RCBTB1: variants seen among roughly 807,000 people sequenced by gnomAD.
RCBTB1 encodes RCC1 and BTB domain containing protein 1.
In RCBTB1, 46 loss-of-function variants were observed where a neutral mutation model predicts 62.4. That is an observed-to-expected ratio of 0.74 (90% confidence interval 0.58 to 0.94). The LOEUF (loss-of-function observed/expected upper bound fraction) is 0.94, where lower values mean the gene tolerates loss of function less well. Ranked by LOEUF, RCBTB1 falls within the 40% of genes least tolerant of loss-of-function variation. The pLI is 0.00. For synonymous variants in RCBTB1, 222 were observed against 245.8 expected (o/e 0.90, Z 0.91); for missense variants, 565 against 654.9 (o/e 0.86, Z 1.50).
chr13:49,555,706 TAGTC>T, intron 5 of RCBTB1, 33 bp from the exon 6 acceptor site: 2 of 1,485,706 alleles, frequency 1.3e-6, no homozygotes, highest in Non-Finnish European at 9.1e-7. Context: ...AAGGAAAGAA[TAGTC>T]AGGGTGAAAA....
In RCBTB1 at chr13:49,576,038, T is replaced by G. The variant is rs544711466; in HGVS notation, c.-42+4467A>C. 2.6e-5 allele frequency among the ~76,000 whole-genome samples: 4 copies of G among 151,706 alleles called. No homozygotes were observed. The East Asian group carries it at 7.7e-4, about 29-fold the overall frequency. On this transcript the variant is annotated intron_variant, in intron 2 of 12. Transcript: ENST00000378302. ...CGTCTCTACTAAAAATACGAAAAAA[T>G]TAGCCGGGTGTGGTGGCGGGCACCA...
intron 1 of RCBTB1, among the ~76,000 whole-genome samples, chr13:49,583,866 T>A (rs901345427): frequency 1.3e-5 from 2 of 152,120 alleles, no homozygotes; most frequent in Non-Finnish European, 2.9e-5. Flanking sequence ...CATTTTTAAC[T>A]TTTTGTAAAA....
chr13:49,556,364 G>A (rs796864626), intron 5 of RCBTB1, among the ~76,000 whole-genome samples: 1 of 151,652 alleles, frequency 6.6e-6, no homozygotes, highest in Admixed American at 6.6e-5. Context: ...CTAATTTTTT[G>A]TATTTTTAGT....
chr13:49,534,340 T>C (rs1012659846), intron 12 of RCBTB1, 78 bp from the exon 13 acceptor site: 6 of 1,449,736 alleles, frequency 4.1e-6, no homozygotes, highest in South Asian at 1.3e-5. Context: ...CTGAGCCCTT[T>C]ACCCCAAATC....
intron 12 of RCBTB1, among the ~76,000 whole-genome samples, chr13:49,534,767 C>T (rs1373033304): frequency 6.6e-6 from 1 of 152,232 alleles, no homozygotes; most frequent in Non-Finnish European, 1.5e-5. Context: ...GGCACGGTGG[C>T]TCACGCCTGT....
chr13:49,560,162 C>T (rs1962322267), intron 4 of RCBTB1, 78 bp from the exon 5 acceptor site: 1 of 1,486,108 alleles, frequency 6.7e-7, no homozygotes, highest in Non-Finnish European at 9.2e-7. Context: ...GAACTTCGTA[C>T]AGCTCCTTCT....
intron 4 of RCBTB1, among the ~76,000 whole-genome samples, chr13:49,561,904 C>T (rs1962454294): frequency 6.7e-6 from 1 of 149,766 alleles, no homozygotes; most frequent in African/African-American, 2.5e-5. Context: ...CCAGACTGGC[C>T]AACACAGTGA....
At chr13:49,554,115 G>C (rs1033361404) in intron 6 of RCBTB1, among the ~76,000 whole-genome samples, 2 of 152,100 alleles carry the variant, frequency 1.3e-5, no homozygotes, top group African/African-American at 4.8e-5. Context: ...ACAGGGGAGC[G>C]GGAAGCAGGC....
chr13:49,547,647 C>T (rs377448207), intron 9 of RCBTB1, among the ~76,000 whole-genome samples: 1 of 152,086 alleles, frequency 6.6e-6, no homozygotes, highest in South Asian at 2.1e-4. Flanking sequence ...GATTATGTAA[C>T]CAAATATCAC....
intron 11 of RCBTB1, among the ~76,000 whole-genome samples, chr13:49,541,301 C>T (rs1960342332): frequency 6.6e-6 from 1 of 152,118 alleles, no homozygotes; most frequent in African/African-American, 2.4e-5. Flanking sequence ...TACTTCACTA[C>T]TAGAAAATTA....
In RCBTB1 at chr13:49,541,847, G is replaced by A. The variant is rs1566216286; in HGVS notation, c.1173-20C>T. ...TCACACCTAAAACAGCAAAGCAAAA[G>A]TCTTATTTGTTCAGCAGCAATTTTT... On this transcript the variant is annotated intron_variant, in intron 10 of 12. Coordinates refer to ENST00000378302, the MANE Select transcript of RCBTB1 (RefSeq NM_018191.4). The A allele has an allele frequency of 6.3e-7, 1 of 1,581,324 alleles. No individual in the cohort carries two copies. Among genetic ancestry groups the A allele is most frequent in the Non-Finnish European group, 8.6e-7 (1 of 1,168,624 alleles).
intron 5 of RCBTB1, among the ~76,000 whole-genome samples, chr13:49,555,885 CCGTTTTATA>C (rs767062548): frequency 2.0e-5 from 3 of 152,312 alleles, no homozygotes; most frequent in Admixed American, 2.0e-4. Flanking sequence ...TTATACATCT[CCGTTTTATA>C]CATGGAAACT....
chr13:49,554,751 A>G (rs1961702383), intron 6 of RCBTB1, among the ~76,000 whole-genome samples: 1 of 152,210 alleles, frequency 6.6e-6, no homozygotes, highest in Admixed American at 6.5e-5. Flanking sequence ...TCTGAGGTGG[A>G]ACAGTTTCAT....
intron 12 of RCBTB1, among the ~76,000 whole-genome samples, chr13:49,536,673 T>C (rs1467384633): frequency 1.3e-5 from 2 of 152,148 alleles, no homozygotes; most frequent in African/African-American, 4.8e-5. Flanking sequence ...AGAATGAAAG[T>C]CCTCTTATAG....
chr13:49,568,341 C>A (rs1169614172), intron 2 of RCBTB1, among the ~76,000 whole-genome samples: 1 of 152,166 alleles, frequency 6.6e-6, no homozygotes, highest in Non-Finnish European at 1.5e-5. Context: ...AACAATAGTG[C>A]AATTGTTGCC....
chr13:49,551,150 G>A (rs1235562829), intron 8 of RCBTB1, 176 bp downstream of exon 8: 4 of 575,272 alleles, frequency 7.0e-6, no homozygotes, highest in South Asian at 4.8e-5. Flanking sequence ...GGGGAAGGGG[G>A]AAGCAGGGAG....
chr13:49,547,306 G>T lies in RCBTB1; in HGVS notation c.1045+2152C>A, dbSNP rs908309600. Reference sequence around the variant, plus strand: ...ACCCTTGCCTCCATGCCCATGACTGGTCACCTAATTGGGACAACTCCACCT... The same window carrying T: ...ACCCTTGCCTCCATGCCCATGACTGTTCACCTAATTGGGACAACTCCACCT... On this transcript the variant is annotated intron_variant, in intron 9 of 12. Transcript: ENST00000378302. 3 of 573,162 alleles carry T rather than the reference G, an allele frequency of 5.2e-6. No individual in the cohort carries two copies. The East Asian group carries it at 2.0e-4, about 39-fold the overall frequency. The allele number at this position is 573,162 out of a possible 1,614,324, so 35.5% of individuals were successfully genotyped here. A position where few individuals can be genotyped will look rare whatever the true frequency, so the allele number is the denominator to read the frequency against.
intron 4 of RCBTB1, among the ~76,000 whole-genome samples, chr13:49,565,366 G>C (rs1368813863): frequency 2.0e-5 from 3 of 151,872 alleles, no homozygotes; most frequent in African/African-American, 7.3e-5. Context: ...GGCTAGCTAC[G>C]ACCTCCACCT....
intron 5 of RCBTB1, among the ~76,000 whole-genome samples, chr13:49,557,766 A>AT (rs397712424): frequency 2.7e-5 from 4 of 150,760 alleles, no homozygotes; most frequent in African/African-American, 7.3e-5. Flanking sequence ...ACAAAAAAAA[A>AT]TTTTTTTTTT....
Sources: gnomAD v4.1 joint callset for allele counts (sites outside exome capture counted in the v4.1 genomes callset) on GRCh38, gnomAD v4.1.1 for gene constraint, MANE v1.5 for transcripts, NCBI Gene and HGNC (gene_info 2026-07-23, HGNC 2026-07-21) for gene names.